Variants in PRELID2 observed in about 807,000 individuals in gnomAD.
PRELID2 encodes the protein PRELI domain containing 2.
In PRELID2, 25 loss-of-function variants were observed where a neutral mutation model predicts 28.4. The observed-to-expected ratio is 0.88, with a 90% CI of 0.64 to 1.23. The LOEUF (loss-of-function observed/expected upper bound fraction) is 1.23, where lower values mean the gene tolerates loss of function less well. Ranked by LOEUF, PRELID2 falls within the 50% of genes most tolerant of loss-of-function variation. The pLI is 0.00. For missense variants in PRELID2, 201 were observed against 214.4 expected (o/e 0.94, Z 0.39); for synonymous variants, 76 against 71.6 (o/e 1.06, Z -0.31).
chr5:145,673,171 A>G (rs1754744143), intron 1 of PRELID2, among the ~76,000 whole-genome samples: 1 of 152,166 alleles, frequency 6.6e-6, no homozygotes. Flanking sequence ...AAAGTGCCCA[A>G]TATGCCTCTT....
the PRELID2 span, among the ~76,000 whole-genome samples, chr5:145,262,384 T>A: frequency 6.6e-6 from 1 of 151,980 alleles, no homozygotes; most frequent in Non-Finnish European, 1.5e-5. Flanking sequence ...CACATAGTCA[T>A]CAGGTTATCT....
chr5:145,825,249 A>AG (rs1755108356), intron 1 of PRELID2, among the ~76,000 whole-genome samples: 2 of 145,138 alleles, frequency 1.4e-5, no homozygotes, highest in Non-Finnish European at 3.0e-5. Context: ...AAAAAAAAAA[A>AG]AAAAAAAAAA....
intron 1 of PRELID2, among the ~76,000 whole-genome samples, chr5:145,508,539 T>G (rs1238228079): frequency 1.3e-5 from 2 of 151,836 alleles, no homozygotes; most frequent in African/African-American, 4.8e-5. Context: ...TTAAAGTTAG[T>G]ATATTTTATT....
At chr5:145,307,794 A>G in the PRELID2 span, among the ~76,000 whole-genome samples, 4 of 139,762 alleles carry the variant, frequency 2.9e-5, no homozygotes, top group Non-Finnish European at 4.8e-5. Context: ...TTGGAGCAGG[A>G]AAAAAAAAAA....
chr5:145,312,421 C>T, the PRELID2 span, among the ~76,000 whole-genome samples: 1 of 152,158 alleles, frequency 6.6e-6, no homozygotes, highest in African/African-American at 2.4e-5. Context: ...ACTGTAGTCA[C>T]CATGCTGTAC....
rs897746860 is a variant in PRELID2, at chr5:145,807,929, T to C, written c.368+9965A>G. ...ACAAAAACAGAGGAGACTCTGATTA[T>C]ATGAACACAAACATCAAATGGCAAA... On this transcript the variant is annotated intron_variant, in intron 4 of 6. Coordinates refer to ENST00000683046, the MANE Select transcript of PRELID2 (RefSeq NM_205846.3). Among the ~76,000 whole-genome samples the C allele has an allele frequency of 7.2e-5, 11 of 152,302 alleles. No individual in the cohort carries two copies. The South Asian group carries it at 1.4e-3, about 20-fold the overall frequency.
chr5:145,789,614 A>C (rs1752233339), intron 5 of PRELID2, among the ~76,000 whole-genome samples: 1 of 152,216 alleles, frequency 6.6e-6, no homozygotes, highest in South Asian at 2.1e-4. Context: ...TTGGCCTCAA[A>C]AGCACAGGGA....
the PRELID2 span, among the ~76,000 whole-genome samples, chr5:145,268,681 T>A: frequency 1.3e-5 from 2 of 152,130 alleles, no homozygotes; most frequent in Non-Finnish European, 2.9e-5. Context: ...CAGCATTATA[T>A]AAGAGGTCCT....
the PRELID2 span, chr5:145,229,818 C>T: frequency 4.1e-5 from 31 of 759,244 alleles, no homozygotes; most frequent in African/African-American, 2.2e-4. Flanking sequence ...TGAATTTGTC[C>T]GCCCCTGCAT....
At chr5:145,414,036 T>A in the PRELID2 span, among the ~76,000 whole-genome samples, 2 of 152,176 alleles carry the variant, frequency 1.3e-5, no homozygotes, top group Non-Finnish European at 2.9e-5. Flanking sequence ...ATATTTCTTA[T>A]TTTTAGAGGT....
intron 1 of PRELID2, among the ~76,000 whole-genome samples, chr5:145,595,155 A>G (rs949775691): frequency 3.2e-5 from 3 of 94,240 alleles, no homozygotes; most frequent in Non-Finnish European, 5.9e-5. Context: ...AAGAAGAGTC[A>G]TAATAGACAC....
intron 1 of PRELID2, among the ~76,000 whole-genome samples, chr5:145,514,621 T>C (rs1276435272): frequency 6.6e-6 from 1 of 152,170 alleles, no homozygotes; most frequent in African/African-American, 2.4e-5. Flanking sequence ...TATTCAGGAC[T>C]TGAACTCAGC....
intron 1 of PRELID2, among the ~76,000 whole-genome samples, chr5:145,511,976 A>C (rs1303851415): frequency 6.6e-6 from 1 of 152,176 alleles, no homozygotes. Flanking sequence ...TGGCCTCAAG[A>C]GATATTTTGT....
chr5:145,533,730 A>T (rs557948016), intron 1 of PRELID2, among the ~76,000 whole-genome samples: 1 of 152,110 alleles, frequency 6.6e-6, no homozygotes, highest in African/African-American at 2.4e-5. Flanking sequence ...TTCAAGTTAC[A>T]TATTATCAAT....
intron 4 of PRELID2, among the ~76,000 whole-genome samples, chr5:145,807,911 CAG>C (rs765147323): frequency 1.3e-5 from 2 of 152,144 alleles, no homozygotes; most frequent in Non-Finnish European, 2.9e-5. Flanking sequence ...GATACAAAAA[CAG>C]AGGAGACTCT....
chr5:145,715,189 G>T (rs1273617106), intron 1 of PRELID2, among the ~76,000 whole-genome samples: 1 of 152,010 alleles, frequency 6.6e-6, no homozygotes, highest in African/African-American at 2.4e-5. Context: ...CTATTCCCCA[G>T]GAATTCTTCA....
At chr5:145,348,476 C>G in the PRELID2 span, among the ~76,000 whole-genome samples, 6 of 152,182 alleles carry the variant, frequency 3.9e-5, no homozygotes, top group African/African-American at 1.4e-4. Flanking sequence ...CTCCCACCCC[C>G]AGTAGCATTA....
At chr5:145,549,794 CA>C (rs891893051) in intron 1 of PRELID2, among the ~76,000 whole-genome samples, 7 of 137,788 alleles carry the variant, frequency 5.1e-5, no homozygotes, top group Non-Finnish European at 9.4e-5. Flanking sequence ...GATTCAGTCT[CA>C]AAAAAAGAAA....
the PRELID2 span, among the ~76,000 whole-genome samples, chr5:145,260,346 G>A: frequency 2.6e-5 from 4 of 151,656 alleles, no homozygotes; most frequent in East Asian, 5.8e-4. Context: ...CGAAACTAAA[G>A]ACAGAAAAAA....
Sources: allele counts gnomAD v4.1 joint callset (sites outside exome capture counted in the v4.1 genomes callset), GRCh38; gene constraint gnomAD v4.1.1; transcripts MANE v1.5; gene names NCBI Gene and HGNC (gene_info 2026-07-23, HGNC 2026-07-21).